The following EBF3 variants were observed in gnomAD, a reference collection of about 807,000 sequenced individuals.
EBF3 encodes transcription factor COE3.
A neutral mutation model predicts 77.1 loss-of-function variants in EBF3; 18 were observed. The ratio of observed to expected loss-of-function variants is 0.23; its 90% confidence interval spans 0.16 to 0.35. EBF3 has a LOEUF of 0.35. Ranked by LOEUF, EBF3 falls within the 10% of genes least tolerant of loss-of-function variation. EBF3 has a pLI of 1.00. For synonymous variants in EBF3, 350 were observed against 343.5 expected (o/e 1.02, Z -0.21); for missense variants, 558 against 860.0 (o/e 0.65, Z 4.39).
At chr10:129,906,760 T>A (rs2134270533) in intron 6 of EBF3, among the ~76,000 whole-genome samples, 1 of 152,316 alleles carries the variant, frequency 6.6e-6, no homozygotes, top group East Asian at 1.9e-4. Context: ...AGAAGCTTTT[T>A]TTTTCGATTC....
chr10:129,858,974 A>G (rs764049380), intron 10 of EBF3, among the ~76,000 whole-genome samples: 1 of 152,176 alleles, frequency 6.6e-6, no homozygotes, highest in African/African-American at 2.4e-5. Flanking sequence ...TCCTATCTCA[A>G]CGGGAGCTTC....
chr10:129,942,064 C>T (rs1473129849), intron 6 of EBF3, among the ~76,000 whole-genome samples: 3 of 152,206 alleles, frequency 2.0e-5, no homozygotes, highest in East Asian at 1.9e-4. Flanking sequence ...AGGAGAAACA[C>T]CTCCTATCCT....
chr10:129,906,685 A>G (rs912895624), intron 6 of EBF3, among the ~76,000 whole-genome samples: 1 of 152,220 alleles, frequency 6.6e-6, no homozygotes, highest in Non-Finnish European at 1.5e-5. Context: ...AAACTTGAAA[A>G]AAACGTCAGG....
In EBF3 at chr10:129,835,437, CAGTGA is replaced by C. The variant is rs1849563590; in HGVS notation, c.*2501_*2505del. The C allele has an allele frequency of 6.6e-6, 1 of 152,206 alleles. No homozygotes were observed. Among genetic ancestry groups the C allele is most frequent in the Admixed American group, 6.5e-5 (1 of 15,276 alleles). The allele number at this position is 152,206 out of a possible 1,614,324, so 9.4% of individuals were successfully genotyped here. A position where few individuals can be genotyped will look rare whatever the true frequency, so the allele number is the denominator to read the frequency against. On this transcript the variant is annotated 3_prime_UTR_variant, in exon 17 of 17. Transcript: ENST00000440978. ...TTTAGTGAAGTGCTCAGTCTTGAGACAGTGAAGTGATGTGGGCATTGACTACTTAA... is the reference window on the plus strand; with the variant it reads ...TTTAGTGAAGTGCTCAGTCTTGAGACAGTGATGTGGGCATTGACTACTTAA...
rs914672851 is a variant in EBF3 at position 129,837,342 on chromosome 10, A to C, written c.*601T>G. ...AGTTACAAAGTTTCATTTCATGAAG[A>C]TGAAGTTAAGCAGTGATAAACCCTC... On this transcript the variant is annotated 3_prime_UTR_variant, in exon 17 of 17. Coordinates refer to ENST00000440978, the MANE Select transcript of EBF3 (RefSeq NM_001375380.1). 3 of 152,686 alleles carry C rather than the reference A, an allele frequency of 2.0e-5. No homozygotes were observed. The highest frequency in any genetic ancestry group is 7.2e-5 in the African/African-American group (3 of 41,458). 9.5% of individuals were successfully genotyped at this position (152,686 alleles called of 1,614,324 possible).
rs1851837946 is a variant in EBF3 at position 129,864,220 on chromosome 10, G to C, written c.1039+2921C>G. ...ACAGGAACAGGCTACAGACAGGAGA[G>C]AGCTGCCCCCTCCCTGCACCAGCCC... On this transcript the variant is annotated intron_variant, in intron 10 of 16. Transcript: ENST00000440978. This position sits in a 1 kb window ranked among gnomAD's most constrained non-coding sequence, Gnocchi z 4.4. Among the ~76,000 whole-genome samples the C allele has an allele frequency of 6.6e-6, 1 of 152,160 alleles. No homozygotes were observed. Among genetic ancestry groups the C allele is most frequent in the Admixed American group, 6.5e-5 (1 of 15,280 alleles).
rs117652629 is a variant in EBF3, at chr10:129,875,533, T to A, written c.637-1937A>T. ...TTAAATCTCAGACTCCACAAGATGA[T>A]GATGCAGCAGGGGCGGTACACACGC... is the stretch of plus-strand genomic sequence containing the variant. On this transcript the variant is annotated intron_variant, in intron 7 of 16. Coordinates refer to ENST00000440978, the MANE Select transcript of EBF3 (RefSeq NM_001375380.1). 6.4e-4 allele frequency among the ~76,000 whole-genome samples: 98 copies of A among 152,354 alleles called. No individual in the cohort carries two copies. In the East Asian group the frequency reaches 0.019, roughly 29 times the overall value.
At chr10:129,838,103 G>A in intron 16 of EBF3, 143 bp from the exon 17 acceptor site, 1 of 969,804 alleles carries the variant, frequency 1.0e-6, no homozygotes, top group African/African-American at 1.6e-5. Context: ...CTCGGGCGTG[G>A]TTAGGGCGTG....
At chr10:129,901,258 C>T (rs944489315) in intron 6 of EBF3, among the ~76,000 whole-genome samples, 9 of 152,194 alleles carry the variant, frequency 5.9e-5, no homozygotes, top group Admixed American at 1.3e-4. Flanking sequence ...ATAATTATGA[C>T]GCCTAAACTT....
chr10:129,928,863 T>G (rs1253220191), intron 6 of EBF3, among the ~76,000 whole-genome samples: 1 of 152,260 alleles, frequency 6.6e-6, no homozygotes, highest in Non-Finnish European at 1.5e-5. Context: ...AGGAGAACGC[T>G]GCTGACACGG....
intron 6 of EBF3, 56 bp from the exon 7 acceptor site, chr10:129,877,905 ACTTTT>A: frequency 7.7e-6 from 11 of 1,430,518 alleles, no homozygotes; most frequent in Non-Finnish European, 1.1e-5. Context: ...AAAGACTCAA[ACTTTT>A]TAAAAGACAC....
chr10:129,928,394 C>T (rs1177125465), intron 6 of EBF3, among the ~76,000 whole-genome samples: 2 of 152,218 alleles, frequency 1.3e-5, no homozygotes, highest in African/African-American at 2.4e-5. Context: ...ATCCAGTACA[C>T]ACATTTTTAT....
In EBF3 at chr10:129,837,692, T is replaced by C; in HGVS notation, c.*251A>G. 3.7e-6 allele frequency: 2 copies of C among 541,008 alleles called. No homozygotes were observed. The highest frequency in any genetic ancestry group is 6.5e-6 in the Non-Finnish European group (2 of 307,396). The allele number at this position is 541,008 out of a possible 1,614,324, so 33.5% of individuals were successfully genotyped here. On this transcript the variant is annotated 3_prime_UTR_variant, in exon 17 of 17. Transcript: ENST00000440978. Reference sequence around the variant, plus strand: ...CCTTATTCTTCAGGACTGAGAAATGTGAAAATATGAGAAAAGTTCAGTCAA... The same window carrying C: ...CCTTATTCTTCAGGACTGAGAAATGCGAAAATATGAGAAAAGTTCAGTCAA...
intron 10 of EBF3, among the ~76,000 whole-genome samples, chr10:129,855,284 C>T (rs1851175882): frequency 6.6e-6 from 1 of 152,200 alleles, no homozygotes; most frequent in Non-Finnish European, 1.5e-5. Flanking sequence ...TTCACCACTG[C>T]CTGGCAGTGG....
Position 129,963,312 on chromosome 10 carries a change from C to T in EBF3, c.291+55G>A, listed in dbSNP as rs1236250953. 6.5e-7 allele frequency: 1 copy of T among 1,549,132 alleles called. No homozygotes were observed. The highest frequency in any genetic ancestry group is 1.9e-5 in the Admixed American group (1 of 51,478). On this transcript the variant is annotated intron_variant, in intron 2 of 16. Transcript: ENST00000440978. This position sits in a 1 kb window ranked among gnomAD's most constrained non-coding sequence, Gnocchi z 7.1. ...CACTCGAACCCCCGCGCACCGGCAC[C>T]GCCTGCCTCCCGCTTCTAGAAAGAG...
rs1353467911 is a variant in EBF3, at chr10:129,835,365, C to T, written c.*2578G>A. The T allele has an allele frequency of 1.3e-5, 2 of 152,336 alleles. No individual in the cohort carries two copies. Among genetic ancestry groups the T allele is most frequent in the Non-Finnish European group, 1.5e-5 (1 of 68,004 alleles). 9.4% of individuals were successfully genotyped at this position (152,336 alleles called of 1,614,324 possible). A position where few individuals can be genotyped will look rare whatever the true frequency, so the allele number is the denominator to read the frequency against. On this transcript the variant is annotated 3_prime_UTR_variant, in exon 17 of 17. Coordinates refer to ENST00000440978, the MANE Select transcript of EBF3 (RefSeq NM_001375380.1). ...ACAGTTAAATATCTGAAAAAATGTA[C>T]AGATAAAACAATCTTATTGTAGGGT...
At position 129,853,561 on chromosome 10, in the gene EBF3, C is replaced by T. The variant is rs74160297; in HGVS notation, c.1040-5081G>A. On this transcript the variant is annotated intron_variant, in intron 10 of 16. Transcript: ENST00000440978. ...ATAAGAACATCTGCAGTTCCTTTTCCGAGGGACAAGAATGCGCCTCAATTA... is the reference window on the plus strand; with the variant it reads ...ATAAGAACATCTGCAGTTCCTTTTCTGAGGGACAAGAATGCGCCTCAATTA... 7.3e-3 allele frequency among the ~76,000 whole-genome samples: 1,108 copies of T among 152,204 alleles called. 11 individuals carry two copies. Among genetic ancestry groups the T allele is most frequent in the African/African-American group, 0.024 (1,013 of 41,522 alleles).
intron 7 of EBF3, among the ~76,000 whole-genome samples, chr10:129,873,937 G>A (rs17421167): frequency 0.021 from 3,254 of 152,296 alleles, 51 homozygotes; most frequent in Non-Finnish European, 0.034. Flanking sequence ...TAAAGCCGCT[G>A]TTTTGATTGA....
intron 6 of EBF3, among the ~76,000 whole-genome samples, chr10:129,908,454 C>A (rs1855293473): frequency 6.6e-6 from 1 of 152,200 alleles, no homozygotes. Flanking sequence ...CATGGGCCGT[C>A]CTGGGCAATG....
Sources: gnomAD v4.1 joint callset for allele counts (sites outside exome capture counted in the v4.1 genomes callset) on GRCh38, gnomAD v4.1.1 for gene constraint, Gnocchi (gnomAD v3.1) non-coding constraint, MANE v1.5 for transcripts, NCBI Gene and HGNC (gene_info 2026-07-23, HGNC 2026-07-21) for gene names.